The following AOAH variants were observed in gnomAD, a reference collection of about 807,000 sequenced individuals.
AOAH encodes the protein acyloxyacyl hydrolase.
A neutral mutation model predicts 92.2 loss-of-function variants in AOAH; 64 were observed. The observed-to-expected ratio is 0.69, with a 90% CI of 0.57 to 0.86. The LOEUF is 0.86. Ranked by LOEUF, AOAH falls within the 40% of genes least tolerant of loss-of-function variation. The pLI is 0.00. For synonymous variants in AOAH, 263 were observed against 254.5 expected, an observed-to-expected ratio of 1.03 and a Z score of -0.32; for missense variants, 656 against 694.6, an observed-to-expected ratio of 0.94 and a Z score of 0.62.
chr7:36,642,778 GC>G (rs531853541), intron 4 of AOAH, among the ~76,000 whole-genome samples: 222 of 152,308 alleles, frequency 1.5e-3, no homozygotes, highest in African/African-American at 5.2e-3. Context: ...TTGGATGTGA[GC>G]AAAACATCCG....
chr7:36,618,746 A>G (rs1277182202), intron 9 of AOAH, among the ~76,000 whole-genome samples: 1 of 152,222 alleles, frequency 6.6e-6, no homozygotes, highest in Non-Finnish European at 1.5e-5. Context: ...ATGCTTCTAA[A>G]GAAGCAATTC....
At chr7:36,588,622 G>A (rs540409738) in intron 12 of AOAH, among the ~76,000 whole-genome samples, 9 of 152,322 alleles carry the variant, frequency 5.9e-5, no homozygotes, top group Admixed American at 5.9e-4. Context: ...AATTTTAGCT[G>A]CAATTCCCTA....
chr7:36,599,462 A>T (rs913455950), intron 11 of AOAH, among the ~76,000 whole-genome samples: 2 of 152,200 alleles, frequency 1.3e-5, no homozygotes, highest in East Asian at 1.9e-4. Context: ...TCTACACAGT[A>T]TATTCCCTTT....
chr7:36,694,013 A>C (rs1797562847), intron 1 of AOAH, among the ~76,000 whole-genome samples: 1 of 152,232 alleles, frequency 6.6e-6, no homozygotes, highest in South Asian at 2.1e-4. Context: ...ACATTATTTT[A>C]AATGGTCTAT....
chr7:36,529,929 T>C (rs770943737), intron 19 of AOAH, among the ~76,000 whole-genome samples: 35 of 152,226 alleles, frequency 2.3e-4, no homozygotes, highest in Non-Finnish European at 3.5e-4. Flanking sequence ...CACTTTGCCA[T>C]GGGCAAGTTC....
rs187310535 is a variant in AOAH at position 36,597,132 on chromosome 7, G to T, written c.847-2702C>A. Among the ~76,000 whole-genome samples, 421 of 152,198 alleles carry T rather than the reference G, an allele frequency of 2.8e-3. 1 individual carries two copies. Among genetic ancestry groups the T allele is most frequent in the South Asian group, 9.3e-3 (45 of 4,828 alleles). ...GAGGGAGGAGTTGGTCAGGAAGTATGGCGTCCTGGGATGCACCTGTATTAA... is the reference window on the plus strand; with the variant it reads ...GAGGGAGGAGTTGGTCAGGAAGTATTGCGTCCTGGGATGCACCTGTATTAA... On this transcript the variant is annotated intron_variant, in intron 11 of 20. Coordinates refer to ENST00000617537, the MANE Select transcript of AOAH (RefSeq NM_001637.4).
At chr7:36,705,481 A>G (rs189027913) in intron 1 of AOAH, among the ~76,000 whole-genome samples, 1 of 152,332 alleles carries the variant, frequency 6.6e-6, no homozygotes, top group African/African-American at 2.4e-5. Flanking sequence ...AGGAAATAAG[A>G]GAGGACACAA....
intron 3 of AOAH, among the ~76,000 whole-genome samples, chr7:36,672,285 G>T (rs1448229905): frequency 6.6e-6 from 1 of 152,216 alleles, no homozygotes; most frequent in Non-Finnish European, 1.5e-5. Context: ...TGTTGTAGAG[G>T]GGGGATGCTG....
intron 3 of AOAH, 23 bp downstream of exon 3, chr7:36,673,920 G>A: frequency 6.4e-7 from 1 of 1,552,238 alleles, no homozygotes; most frequent in Non-Finnish European, 8.9e-7. Flanking sequence ...TGGAATCAGA[G>A]TTATGTGTCA....
At chr7:36,641,932 G>C (rs1793946436) in intron 4 of AOAH, among the ~76,000 whole-genome samples, 1 of 152,094 alleles carries the variant, frequency 6.6e-6, no homozygotes, top group South Asian at 2.1e-4. Context: ...AGCCACGGTG[G>C]CTCACTAAAA....
In AOAH at chr7:36,713,828, C is replaced by T. The variant is rs576172765; in HGVS notation, c.127+10194G>A. Among the ~76,000 whole-genome samples the T allele has an allele frequency of 2.6e-3, 396 of 152,116 alleles. 3 individuals carry two copies. Among genetic ancestry groups the T allele is most frequent in the East Asian group, 0.021 (107 of 5,180 alleles). Reference sequence around the variant, plus strand: ...AATCTCTGGGACACATTCAAAGCAGCGTGTAGAGGGAAATTTATAGCACTA... The same window carrying T: ...AATCTCTGGGACACATTCAAAGCAGTGTGTAGAGGGAAATTTATAGCACTA... On this transcript the variant is annotated intron_variant, in intron 1 of 20. Coordinates refer to ENST00000617537, the MANE Select transcript of AOAH (RefSeq NM_001637.4).
chr7:36,565,661 T>A (rs1425851915), intron 13 of AOAH, among the ~76,000 whole-genome samples: 2 of 151,848 alleles, frequency 1.3e-5, no homozygotes, highest in African/African-American at 4.8e-5. Context: ...GCCTCCTGAG[T>A]AGCTGGGACT....
intron 6 of AOAH, among the ~76,000 whole-genome samples, chr7:36,630,312 CCT>C (rs1419160512): frequency 8.5e-5 from 13 of 152,250 alleles, no homozygotes; most frequent in African/African-American, 3.1e-4. Flanking sequence ...CTAACTCTCA[CCT>C]CTGTGTGTTC....
At chr7:36,569,424 T>C (rs1192333940) in intron 13 of AOAH, among the ~76,000 whole-genome samples, 1 of 152,104 alleles carries the variant, frequency 6.6e-6, no homozygotes, top group Non-Finnish European at 1.5e-5. Context: ...ATGAGTCTTG[T>C]TTACTTTAGA....
intron 16 of AOAH, among the ~76,000 whole-genome samples, chr7:36,537,949 T>C (rs566422684): frequency 2.6e-5 from 4 of 151,940 alleles, no homozygotes; most frequent in Non-Finnish European, 5.9e-5. Flanking sequence ...TCATCCTTTT[T>C]TCTTCCCTCA....
intron 20 of AOAH, among the ~76,000 whole-genome samples, chr7:36,517,227 T>TCC (rs1783820989): frequency 3.6e-5 from 1 of 27,738 alleles, no homozygotes; most frequent in African/African-American, 6.5e-5. Flanking sequence ...TTTCTTTCTG[T>TCC]CTCTCTCTCT....
chr7:36,590,722 A>G (rs376847747), intron 12 of AOAH, among the ~76,000 whole-genome samples: 114 of 152,366 alleles, frequency 7.5e-4, no homozygotes, highest in African/African-American at 2.7e-3. Context: ...AAATCCGCCA[A>G]TTCTGTGGAT....
At chr7:36,634,260 A>C (rs1328756892) in intron 5 of AOAH, among the ~76,000 whole-genome samples, 4 of 152,192 alleles carry the variant, frequency 2.6e-5, no homozygotes, top group African/African-American at 9.7e-5. Context: ...GGCAGAAATG[A>C]AATCCACAAG....
intron 1 of AOAH, among the ~76,000 whole-genome samples, chr7:36,702,780 A>G (rs1258804400): frequency 6.6e-6 from 1 of 152,092 alleles, no homozygotes; most frequent in Non-Finnish European, 1.5e-5. Flanking sequence ...GTGGTTGCTG[A>G]AGGTAGGGGT....
Sources: gnomAD v4.1 joint callset for allele counts (sites outside exome capture counted in the v4.1 genomes callset) on GRCh38, gnomAD v4.1.1 for gene constraint, MANE v1.5 for transcripts, NCBI Gene and HGNC (gene_info 2026-07-23, HGNC 2026-07-21) for gene names.